Variants in PPP2R5E observed in about 807,000 individuals in gnomAD.
PPP2R5E encodes the protein protein phosphatase 2 regulatory subunit B'epsilon, also known as serine/threonine-protein phosphatase 2A 56 kDa regulatory subunit epsilon isoform.
PPP2R5E carries 4 observed loss-of-function variants against 65.3 expected under a neutral mutation model. That is an observed-to-expected ratio of 0.06 (90% CI 0.03 to 0.14). The LOEUF (loss-of-function observed/expected upper bound fraction) is 0.14. Ranked by LOEUF, PPP2R5E falls within the 10% of genes least tolerant of loss-of-function variation. The pLI is 1.00. For synonymous variants in PPP2R5E, 183 were observed against 187.4 expected (o/e 0.98, Z 0.19); for missense variants, 274 against 556.1 (o/e 0.49, Z 5.10).
chr14:63,407,194 C>A (rs1368731025), intron 5 of PPP2R5E, among the ~76,000 whole-genome samples: 1 of 152,130 alleles, frequency 6.6e-6, no homozygotes, highest in Non-Finnish European at 1.5e-5. Context: ...TGTCACTTGT[C>A]CAAGGTCGAA....
chr14:63,504,614 T>C (rs1892067802), intron 2 of PPP2R5E, among the ~76,000 whole-genome samples: 1 of 152,124 alleles, frequency 6.6e-6, no homozygotes. Context: ...AATCAAGTAC[T>C]GCTTGAGAAA....
At chr14:63,529,928 T>C (rs1207430726) in intron 2 of PPP2R5E, among the ~76,000 whole-genome samples, 2 of 152,182 alleles carry the variant, frequency 1.3e-5, no homozygotes, top group African/African-American at 2.4e-5. Context: ...CAGTGTTTTA[T>C]GGTAAGGGTA....
At chr14:63,520,628 T>C (rs1892861250) in intron 2 of PPP2R5E, among the ~76,000 whole-genome samples, 1 of 152,048 alleles carries the variant, frequency 6.6e-6, no homozygotes, top group South Asian at 2.1e-4. Context: ...GTAACAATCA[T>C]AAAAATGAGA....
intron 2 of PPP2R5E, among the ~76,000 whole-genome samples, chr14:63,506,943 T>C (rs2139685486): frequency 6.6e-6 from 1 of 152,366 alleles, no homozygotes; most frequent in Non-Finnish European, 1.5e-5. Context: ...CACAATGGAA[T>C]ATTATTCAGC....
At chr14:63,429,785 G>A (rs1354395404) in intron 3 of PPP2R5E, among the ~76,000 whole-genome samples, 2 of 151,986 alleles carry the variant, frequency 1.3e-5, no homozygotes, top group Non-Finnish European at 2.9e-5. Context: ...CCCGATTCAA[G>A]TGATTCTCCT....
intron 2 of PPP2R5E, among the ~76,000 whole-genome samples, chr14:63,516,517 T>C (rs1892678230): frequency 6.6e-6 from 1 of 152,226 alleles, no homozygotes; most frequent in Non-Finnish European, 1.5e-5. Flanking sequence ...TTCACAAAAC[T>C]CCTAGCAACT....
At chr14:63,420,490 GT>G (rs1360264332) in intron 4 of PPP2R5E, among the ~76,000 whole-genome samples, 1 of 152,114 alleles carries the variant, frequency 6.6e-6, no homozygotes, top group African/African-American at 2.4e-5. Flanking sequence ...CAATTACCGT[GT>G]TTTAACTAAT....
At position 63,480,781 on chromosome 14, in the gene PPP2R5E, A is replaced by G. The variant is rs545975854; in HGVS notation, c.158-26896T>C. Among the ~76,000 whole-genome samples, 6 of 152,180 alleles carry G rather than the reference A, an allele frequency of 3.9e-5. 1 individual carries two copies. The highest frequency in any genetic ancestry group is 1.4e-4 in the African/African-American group (6 of 41,534). ...TTTTTATGTATTTCATCCTAAAACC[A>G]CCAGCCTGAAATCTTGTCTGCAATG... On this transcript the variant is annotated intron_variant, in intron 2 of 13. Transcript: ENST00000337537.
intron 2 of PPP2R5E, among the ~76,000 whole-genome samples, chr14:63,468,037 T>C (rs573413989): frequency 6.6e-6 from 1 of 152,172 alleles, no homozygotes; most frequent in Non-Finnish European, 1.5e-5. Context: ...TACATAAAAA[T>C]AAAAACACAT....
Position 63,438,808 on chromosome 14 carries a change from C to T in PPP2R5E, c.354+14881G>A, listed in dbSNP as rs572857372. Among the ~76,000 whole-genome samples, 136 of 152,210 alleles carry T rather than the reference C, an allele frequency of 8.9e-4. 1 individual carries two copies. Among genetic ancestry groups the T allele is most frequent in the Non-Finnish European group, 1.4e-3 (96 of 68,006 alleles). On this transcript the variant is annotated intron_variant, in intron 3 of 13. Coordinates refer to ENST00000337537, the MANE Select transcript of PPP2R5E (RefSeq NM_006246.5). ...AAATTAAAACTAAACACTTTAAAAT[C>T]CTTGTCAGATTCCTTAAGAGAGAAT...
intron 2 of PPP2R5E, among the ~76,000 whole-genome samples, chr14:63,462,856 A>G (rs947341448): frequency 1.3e-5 from 2 of 151,962 alleles, no homozygotes; most frequent in Admixed American, 6.6e-5. Context: ...TAATCCCAGC[A>G]CTTTGGGAGG....
In PPP2R5E at chr14:63,470,589, A is replaced by G. The variant is rs545192926; in HGVS notation, c.158-16704T>C. 2.4e-4 allele frequency among the ~76,000 whole-genome samples: 36 copies of G among 151,694 alleles called. No homozygotes were observed. In the Middle Eastern group the frequency reaches 0.014, roughly 57 times the overall value. On this transcript the variant is annotated intron_variant, in intron 2 of 13. Coordinates refer to ENST00000337537, the MANE Select transcript of PPP2R5E (RefSeq NM_006246.5). The stretch of plus-strand genomic sequence containing the variant: ...TATTAAAAAATACTTCATAGTGACA[A>G]TAACAAAATGGCTTCATCCAATTGC...
chr14:63,513,324 C>A (rs1892537541), intron 2 of PPP2R5E, among the ~76,000 whole-genome samples: 1 of 152,134 alleles, frequency 6.6e-6, no homozygotes, highest in Admixed American at 6.5e-5. Flanking sequence ...TAGACTAAGT[C>A]TTATCAAATT....
At chr14:63,510,732 T>C (rs762093956) in intron 2 of PPP2R5E, among the ~76,000 whole-genome samples, 24 of 152,216 alleles carry the variant, frequency 1.6e-4, no homozygotes, top group African/African-American at 2.4e-4. Context: ...ATGTAAAGTT[T>C]TGTAACCTCA....
intron 2 of PPP2R5E, among the ~76,000 whole-genome samples, chr14:63,509,828 C>T (rs956230675): frequency 1.6e-4 from 25 of 152,156 alleles, no homozygotes; most frequent in Non-Finnish European, 2.6e-4. Context: ...AGTTAGCTAA[C>T]GCTCAGCAGA....
intron 11 of PPP2R5E, among the ~76,000 whole-genome samples, chr14:63,387,737 A>G (rs563668635): frequency 1.3e-5 from 2 of 152,230 alleles, no homozygotes; most frequent in African/African-American, 2.4e-5. Flanking sequence ...CTAATCCCCA[A>G]CGTGACTATA....
At chr14:63,522,561 A>C (rs2139731084) in intron 2 of PPP2R5E, among the ~76,000 whole-genome samples, 3 of 114,432 alleles carry the variant, frequency 2.6e-5, no homozygotes, top group Non-Finnish European at 3.7e-5. Context: ...CCGGCCGCCC[A>C]TCGTCTGAGA....
At chr14:63,461,802 TATAA>T (rs772578468) in intron 2 of PPP2R5E, among the ~76,000 whole-genome samples, 17 of 151,298 alleles carry the variant, frequency 1.1e-4, no homozygotes. Context: ...CTCAAAAAGA[TATAA>T]ATAAAAATAA....
At chr14:63,431,953 T>C (rs1887696892) in intron 3 of PPP2R5E, among the ~76,000 whole-genome samples, 1 of 152,032 alleles carries the variant, frequency 6.6e-6, no homozygotes, top group African/African-American at 2.4e-5. Context: ...TAACAACTAT[T>C]CTATTAAATA....
Sources: allele counts gnomAD v4.1 joint callset (sites outside exome capture counted in the v4.1 genomes callset), GRCh38; gene constraint gnomAD v4.1.1; transcripts MANE v1.5; gene names NCBI Gene and HGNC (gene_info 2026-07-23, HGNC 2026-07-21).